Variants in TMEM67 observed in about 807,000 individuals in gnomAD.
TMEM67 encodes the protein transmembrane protein 67, also known as meckelin.
A neutral mutation model predicts 136.6 loss-of-function variants in TMEM67; 124 were observed. The observed-to-expected ratio is 0.91, with a 90% CI of 0.78 to 1.05. The LOEUF (loss-of-function observed/expected upper bound fraction) is 1.05, where lower values mean the gene tolerates loss of function less well. TMEM67 is among the 50% of genes least tolerant of loss of function. The pLI is 0.00. For synonymous variants in TMEM67, 364 were observed against 390.5 expected, an observed-to-expected ratio of 0.93 and a Z score of 0.80; for missense variants, 1,107 against 1,178.4, an observed-to-expected ratio of 0.94 and a Z score of 0.89.
chr8:93,830,491 G>A, the TMEM67 span, among the ~76,000 whole-genome samples: 2 of 152,106 alleles, frequency 1.3e-5, no homozygotes, highest in East Asian at 3.9e-4. Flanking sequence ...GTGATCTTGG[G>A]GACTGAGCCC....
chr8:93,804,781 C>A lies in TMEM67; in HGVS notation c.2342C>A (p.Ser781Tyr), dbSNP rs1302010800. 1.3e-6 allele frequency: 2 copies of A among 1,597,638 alleles called. No homozygotes were observed. The highest frequency in any genetic ancestry group is 2.2e-5 in the South Asian group (2 of 90,598). The change falls in exon 23 of 28, where the codon TCC (serine) becomes TAC (tyrosine). Residue 781 changes from serine (S) to tyrosine (Y), a missense_variant. Ser to Tyr is a moderately radical substitution (Grantham distance 144). This residue lies in a region of TMEM67 where 925 missense variants were observed against 1,002.4 expected (regional missense o/e 0.92). Coordinates refer to ENST00000453321, the MANE Select transcript of TMEM67 (RefSeq NM_153704.6). ...SMSNISVFLL[S>Y]HKCFGYYIHG... ...TTATAGATATCAGTGTTTCTGTTAT[C>A]CCACAAATGTTTTGGATATTACATT...
At chr8:93,796,627 G>T (rs114820738) in intron 18 of TMEM67, among the ~76,000 whole-genome samples, 1 of 152,054 alleles carries the variant, frequency 6.6e-6, no homozygotes, top group Non-Finnish European at 1.5e-5. Flanking sequence ...CATATTGCTT[G>T]TATAAATAAG....
rs1014876003 is a variant in TMEM67, at chr8:93,758,499, A to T, written c.329A>T (p.Asp110Val). The T allele has an allele frequency of 6.2e-7, 1 of 1,613,542 alleles. No homozygotes were observed. The highest frequency in any genetic ancestry group is 1.3e-5 in the African/African-American group (1 of 75,048). Residue 110 changes from aspartate (D) to valine (V), a missense_variant, in exon 3 of 28, where the codon GAT (aspartate) becomes GTT (valine). By Grantham distance (152) the Asp-to-Val change is radical. This residue lies in a region of TMEM67 where 178 missense variants were observed against 159.2 expected (regional missense o/e 1.12). Transcript: ENST00000453321. ...TTAATTTAGAAAGGTGTTACAGAAG[A>T]TGGCTGGAACTGCATTTCTTGCCCT... ...CPENMKGVTE[D>V]GWNCISCPSD... is the part of the protein sequence containing the mutation.
At chr8:93,813,877 T>C (rs1808796780) in intron 26 of TMEM67, among the ~76,000 whole-genome samples, 1 of 152,148 alleles carries the variant, frequency 6.6e-6, no homozygotes. Flanking sequence ...AGAGAGAGCA[T>C]GTAAAACAGG....
At chr8:93,776,642 G>A (rs1051326221) in intron 7 of TMEM67, among the ~76,000 whole-genome samples, 1 of 152,154 alleles carries the variant, frequency 6.6e-6, no homozygotes, top group Non-Finnish European at 1.5e-5. Flanking sequence ...CTGTTTATGT[G>A]GTGGATTACG....
rs1001642323 is a variant in TMEM67, at chr8:93,755,743, A to T, written c.224-35A>T. ...AACTTTATTTTTATTTATCAAGGAT[A>T]AAATTGGCTTTTTTTTTTTTTTTTT... On this transcript the variant is annotated intron_variant, in intron 1 of 27. Coordinates refer to ENST00000453321, the MANE Select transcript of TMEM67 (RefSeq NM_153704.6). The T allele has an allele frequency of 8.3e-6, 11 of 1,324,472 alleles. No individual in the cohort carries two copies. The East Asian group carries it at 2.6e-4, about 32-fold the overall frequency. 82.0% of individuals were successfully genotyped at this position (1,324,472 alleles called of 1,614,324 possible). A position where few individuals can be genotyped will look rare whatever the true frequency, so the allele number is the denominator to read the frequency against.
At chr8:93,775,241 T>A (rs1813488410) in intron 7 of TMEM67, among the ~76,000 whole-genome samples, 1 of 152,226 alleles carries the variant, frequency 6.6e-6, no homozygotes, top group South Asian at 2.1e-4. Context: ...TCTTTGTAGA[T>A]TCTGGATATT....
At chr8:93,792,872 A>T (rs887552356) in intron 15 of TMEM67, among the ~76,000 whole-genome samples, 25 of 150,014 alleles carry the variant, frequency 1.7e-4, no homozygotes, top group African/African-American at 6.2e-4. Flanking sequence ...TCCCAGGTTC[A>T]TGCCATTCTC....
At chr8:93,787,399 C>T (rs1190495361) in intron 13 of TMEM67, among the ~76,000 whole-genome samples, 1 of 152,186 alleles carries the variant, frequency 6.6e-6, no homozygotes, top group Non-Finnish European at 1.5e-5. Context: ...TGAGCCACTG[C>T]ACCTGGCTTG....
At chr8:93,780,204 C>T (rs1301669368) in intron 7 of TMEM67, among the ~76,000 whole-genome samples, 1 of 151,872 alleles carries the variant, frequency 6.6e-6, no homozygotes, top group African/African-American at 2.4e-5. Context: ...TCTGGTGTGC[C>T]GTTTGCTAAG....
At chr8:93,767,722 G>A (rs3134024) in intron 6 of TMEM67, among the ~76,000 whole-genome samples, 37,921 of 134,632 alleles carry the variant, frequency 0.28, 5,087 homozygotes, top group East Asian at 0.38. Flanking sequence ...TGGCTTCTGC[G>A]TGATTTTTTT....
downstream of TMEM67, chr8:93,818,843 C>T (rs1258572855): frequency 3.3e-6 from 1 of 301,852 alleles, no homozygotes; most frequent in African/African-American, 2.3e-5. Context: ...ACTCTTATCA[C>T]CCAGGTTGGA....
chr8:93,816,471 TAA>T lies in TMEM67; in HGVS notation c.*21_*22del. ...GATTTAACTTCCTGAATAAATAACT[TAA>T]AGACTCAGTATAATCATGGCCAAAA... On this transcript the variant is annotated 3_prime_UTR_variant, in exon 28 of 28. Coordinates refer to ENST00000453321, the MANE Select transcript of TMEM67 (RefSeq NM_153704.6). 2 of 1,442,278 alleles carry T rather than the reference TAA, an allele frequency of 1.4e-6. No homozygotes were observed. Among genetic ancestry groups the T allele is most frequent in the Non-Finnish European group, 1.9e-6 (2 of 1,027,068 alleles). The allele number at this position is 1,442,278 out of a possible 1,614,324, so 89.3% of individuals were successfully genotyped here. A position where few individuals can be genotyped will look rare whatever the true frequency, so the allele number is the denominator to read the frequency against.
chr8:93,827,097 C>T, the TMEM67 span, among the ~76,000 whole-genome samples: 1 of 152,142 alleles, frequency 6.6e-6, no homozygotes. Context: ...TTCCAGAGTG[C>T]TGGGATTACA....
intron 26 of TMEM67, 78 bp from the exon 27 acceptor site, chr8:93,815,227 A>AT: frequency 2.0e-6 from 2 of 1,007,920 alleles, no homozygotes; most frequent in Non-Finnish European, 2.9e-6. Flanking sequence ...AAACATCCAG[A>AT]TTTTGTCACC....
intron 11 of TMEM67, among the ~76,000 whole-genome samples, chr8:93,783,288 G>A (rs574901692): frequency 3.5e-4 from 54 of 152,266 alleles, no homozygotes; most frequent in African/African-American, 1.3e-3. Flanking sequence ...GTCCGGCCTA[G>A]AGTCTTAAAC....
At chr8:93,757,491 C>T (rs964535037) in intron 2 of TMEM67, among the ~76,000 whole-genome samples, 15 of 152,000 alleles carry the variant, frequency 9.9e-5, no homozygotes, top group African/African-American at 3.4e-4. Context: ...CAAAAATTAG[C>T]TGGACGTGGT....
intron 7 of TMEM67, among the ~76,000 whole-genome samples, chr8:93,780,381 G>C (rs1419494649): frequency 6.6e-6 from 1 of 152,040 alleles, no homozygotes; most frequent in Non-Finnish European, 1.5e-5. Context: ...TGCACCCACT[G>C]TCCAACCAGT....
intron 21 of TMEM67, 131 bp downstream of exon 21, chr8:93,799,889 A>T: frequency 1.4e-6 from 1 of 702,042 alleles, no homozygotes; most frequent in Non-Finnish European, 2.4e-6. Context: ...CAAGAACAAT[A>T]GCTAATGGTC....
Sources: gnomAD v4.1 joint callset for allele counts (sites outside exome capture counted in the v4.1 genomes callset) on GRCh38, gnomAD v4.1.1 for gene constraint, gnomAD v4.1.1 regional missense constraint, MANE v1.5 for transcripts, NCBI Gene and HGNC (gene_info 2026-07-23, HGNC 2026-07-21) for gene names.